Variants in PTPRD observed in about 807,000 individuals in gnomAD.
PTPRD encodes the protein protein tyrosine phosphatase receptor type D.
A neutral mutation model predicts 214.5 loss-of-function variants in PTPRD; 34 were observed. The observed-to-expected ratio is 0.16, with a 90% CI of 0.12 to 0.21. The LOEUF (loss-of-function observed/expected upper bound fraction) is 0.21. Among genes scored for constraint, PTPRD ranks in the 10% least tolerant of loss-of-function variants. The pLI is 1.00. For missense variants in PTPRD, 2,545 were observed against 2,398.7 expected (o/e 1.06, Z -1.27); for synonymous variants, 1,128 against 845.7 (o/e 1.33, Z -5.79).
At chr9:10,469,717 A>G (rs2099017748) in intron 2 of PTPRD, among the ~76,000 whole-genome samples, 1 of 152,178 alleles carries the variant, frequency 6.6e-6, no homozygotes, top group African/African-American at 2.4e-5. Flanking sequence ...TCCCACGTTT[A>G]TCACAGCACT....
At chr9:9,553,076 G>T (rs976525320) in intron 8 of PTPRD, among the ~76,000 whole-genome samples, 15 of 151,998 alleles carry the variant, frequency 9.9e-5, no homozygotes, top group African/African-American at 3.6e-4. Context: ...TAAATATGGA[G>T]GCAAAGGCAG....
intron 11 of PTPRD, among the ~76,000 whole-genome samples, chr9:8,889,728 C>A (rs1225220451): frequency 6.6e-6 from 1 of 151,930 alleles, no homozygotes; most frequent in South Asian, 2.1e-4. Flanking sequence ...TTTCCCATTC[C>A]TGAGTTACTT....
intron 39 of PTPRD, among the ~76,000 whole-genome samples, chr9:8,346,607 C>T (rs118023315): frequency 2.0e-5 from 3 of 152,224 alleles, no homozygotes; most frequent in East Asian, 3.9e-4. Context: ...GGCTGCCTGC[C>T]TGTTAGTCAC....
chr9:8,975,274 TG>T (rs1236004743), intron 11 of PTPRD, among the ~76,000 whole-genome samples: 4 of 152,096 alleles, frequency 2.6e-5, no homozygotes, highest in African/African-American at 4.8e-5. Context: ...ATGATGTTAT[TG>T]ATTCCTAATG....
intron 6 of PTPRD, among the ~76,000 whole-genome samples, chr9:9,750,725 A>G (rs1253483830): frequency 1.3e-5 from 2 of 152,142 alleles, no homozygotes; most frequent in Non-Finnish European, 1.5e-5. Flanking sequence ...CACTAACAAG[A>G]TATCTTGAGG....
intron 33 of PTPRD, among the ~76,000 whole-genome samples, chr9:8,459,883 C>T (rs144627365): frequency 6.6e-6 from 1 of 152,234 alleles, no homozygotes; most frequent in East Asian, 1.9e-4. Flanking sequence ...GATTCATTCT[C>T]CATCCTTCTC....
At chr9:9,198,135 T>C (rs1434039569) in intron 9 of PTPRD, among the ~76,000 whole-genome samples, 1 of 152,254 alleles carries the variant, frequency 6.6e-6, no homozygotes, top group Non-Finnish European at 1.5e-5. Context: ...TTATATTTTT[T>C]AGTCTTTTAA....
chr9:9,803,506 T>C (rs1045928460), intron 5 of PTPRD, among the ~76,000 whole-genome samples: 1 of 151,976 alleles, frequency 6.6e-6, no homozygotes, highest in South Asian at 2.1e-4. Flanking sequence ...ACATCAGTGA[T>C]ATTTCAACTT....
At chr9:8,854,297 T>G (rs2097872775) in intron 11 of PTPRD, among the ~76,000 whole-genome samples, 1 of 152,212 alleles carries the variant, frequency 6.6e-6, no homozygotes, top group South Asian at 2.1e-4. Context: ...AAATACACAA[T>G]GAAACTAAAG....
chr9:9,609,131 T>G (rs1424596810), intron 7 of PTPRD, among the ~76,000 whole-genome samples: 1 of 152,170 alleles, frequency 6.6e-6, no homozygotes, highest in Non-Finnish European at 1.5e-5. Flanking sequence ...TATACTTAAT[T>G]TTTCTATATT....
At chr9:8,383,446 A>C (rs1023874129) in intron 37 of PTPRD, among the ~76,000 whole-genome samples, 1 of 152,184 alleles carries the variant, frequency 6.6e-6, no homozygotes, top group Admixed American at 6.5e-5. Context: ...TCATTAGCAC[A>C]AACCACAAAA....
At chr9:10,058,687 T>A (rs1208422519) in intron 3 of PTPRD, among the ~76,000 whole-genome samples, 2 of 152,118 alleles carry the variant, frequency 1.3e-5, no homozygotes, top group Non-Finnish European at 2.9e-5. Flanking sequence ...GACAATAGCT[T>A]CTCATATTGA....
intron 10 of PTPRD, among the ~76,000 whole-genome samples, chr9:9,144,887 T>C (rs1569552771): frequency 6.6e-6 from 1 of 152,216 alleles, no homozygotes. Flanking sequence ...AATATTTTAA[T>C]TGCATCTTTA....
intron 5 of PTPRD, among the ~76,000 whole-genome samples, chr9:9,859,984 A>G (rs1486455312): frequency 6.6e-6 from 1 of 152,202 alleles, no homozygotes; most frequent in Non-Finnish European, 1.5e-5. Context: ...ATCTCTAACA[A>G]CAACAACAAA....
intron 39 of PTPRD, among the ~76,000 whole-genome samples, chr9:8,344,635 C>T (rs562803073): frequency 3.3e-5 from 5 of 151,880 alleles, no homozygotes; most frequent in African/African-American, 4.8e-5. Context: ...AAGGAGCTGA[C>T]GTTTGGAACT....
rs142893077 is a variant in PTPRD at position 9,099,177 on chromosome 9, C to T, written c.-142-80442G>A. 2.9e-4 allele frequency among the ~76,000 whole-genome samples: 44 copies of T among 152,244 alleles called. No individual in the cohort carries two copies. The East Asian group carries it at 8.3e-3, about 29-fold the overall frequency. On this transcript the variant is annotated intron_variant, in intron 10 of 45. Transcript: ENST00000381196. ...TGGTAAACACAGAGCAGGCCATGTA[C>T]ACATTTATTAGCAACAGGTGATGGG...
chr9:9,809,919 T>C (rs560992214), intron 5 of PTPRD, among the ~76,000 whole-genome samples: 3 of 152,300 alleles, frequency 2.0e-5, no homozygotes, highest in South Asian at 4.1e-4. Context: ...GAAGCATTTA[T>C]GTAAATTCAA....
chr9:10,556,576 A>G (rs971652409), intron 2 of PTPRD, among the ~76,000 whole-genome samples: 1 of 152,090 alleles, frequency 6.6e-6, no homozygotes, highest in Non-Finnish European at 1.5e-5. Context: ...AATAATTGTT[A>G]CTTTTCCTGT....
At chr9:10,044,862 T>A (rs937256781) in intron 3 of PTPRD, among the ~76,000 whole-genome samples, 7 of 151,742 alleles carry the variant, frequency 4.6e-5, no homozygotes, top group South Asian at 2.1e-4. Context: ...GGGCTCAGTA[T>A]CCATTACACT....
Sources: allele counts gnomAD v4.1 joint callset (sites outside exome capture counted in the v4.1 genomes callset), GRCh38; gene constraint gnomAD v4.1.1; transcripts MANE v1.5; gene names NCBI Gene and HGNC (gene_info 2026-07-23, HGNC 2026-07-21).